SLC6A11: variants seen among roughly 807,000 people sequenced by gnomAD.
The protein encoded by SLC6A11 is sodium- and chloride-dependent GABA transporter 3.
SLC6A11 carries 25 observed loss-of-function variants against 74.8 expected under a neutral mutation model. The ratio of observed to expected loss-of-function variants is 0.33; its 90% CI spans 0.24 to 0.47. The LOEUF (loss-of-function observed/expected upper bound fraction) is 0.47. Ranked by LOEUF, SLC6A11 falls within the 20% of genes least tolerant of loss-of-function variation. The pLI is 1.00. For synonymous variants in SLC6A11, 330 were observed against 330.2 expected (o/e 1.00, Z 0.01); for missense variants, 574 against 837.0 (o/e 0.69, Z 3.88).
rs1438183702 is a variant in SLC6A11 at position 10,934,073 on chromosome 3, C to T, written c.1482C>T (p.Asn494=). The change falls in exon 12 of 14, where the codon AAC becomes AAT. Residue 494 remains asparagine, a synonymous_variant. Transcript: ENST00000254488. The part of the protein sequence containing the change: ...CICIGWVYGS[N]RFYDNIEDMI... ...CTGATTTATTCCGGACAGGAAGCAA[C>T]CGGTTCTATGATAACATTGAAGACA... 1.9e-6 allele frequency: 3 copies of T among 1,612,628 alleles called. No individual in the cohort carries two copies. Among genetic ancestry groups the T allele is most frequent in the African/African-American group, 1.3e-5 (1 of 75,008 alleles).
intron 6 of SLC6A11, among the ~76,000 whole-genome samples, chr3:10,885,050 T>G (rs1235304854): frequency 2.6e-5 from 4 of 152,220 alleles, no homozygotes; most frequent in African/African-American, 9.6e-5. Context: ...CAAGGTGGGC[T>G]TCTATCTCCT....
intron 6 of SLC6A11, among the ~76,000 whole-genome samples, chr3:10,881,538 A>C (rs1212449158): frequency 6.6e-6 from 1 of 152,212 alleles, no homozygotes; most frequent in Non-Finnish European, 1.5e-5. Flanking sequence ...TAGCTTGTGT[A>C]CCTTGCGTTA....
chr3:10,864,351 G>T (rs944657679), intron 5 of SLC6A11, among the ~76,000 whole-genome samples: 1 of 151,496 alleles, frequency 6.6e-6, no homozygotes, highest in African/African-American at 2.4e-5. Flanking sequence ...GTTGGGAGGG[G>T]CGTTTTCCTG....
intron 6 of SLC6A11, among the ~76,000 whole-genome samples, chr3:10,878,226 C>G (rs1694933690): frequency 1.3e-5 from 2 of 152,116 alleles, no homozygotes; most frequent in South Asian, 4.2e-4. Context: ...GGCTGCGTCC[C>G]CTACTACTCT....
chr3:10,816,445 G>A lies in SLC6A11; in HGVS notation c.180G>A (p.Val60=), dbSNP rs372003697. 4.4e-6 allele frequency: 7 copies of A among 1,604,490 alleles called. No homozygotes were observed. The highest frequency in any genetic ancestry group is 6.0e-6 in the Non-Finnish European group (7 of 1,176,060). The change falls in exon 1 of 14, where the codon GTG becomes GTA. Residue 60 remains valine (V), a synonymous_variant. Coordinates refer to ENST00000254488, the MANE Select transcript of SLC6A11 (RefSeq NM_014229.3). The surrounding 1 kb of genome is among the most constrained non-coding windows in gnomAD (Gnocchi z 4.2). ...ACTGGAACAACAAGGTGGAGTTCGT[G>A]CTGAGCGTGGCCGGGGAGATCATTG... ...RGHWNNKVEF[V]LSVAGEIIGL... is the part of the protein sequence containing the mutation.
At chr3:10,903,228 G>T (rs954376944) in intron 6 of SLC6A11, among the ~76,000 whole-genome samples, 1 of 152,204 alleles carries the variant, frequency 6.6e-6, no homozygotes, top group Non-Finnish European at 1.5e-5. Context: ...ACAAGCAGAG[G>T]CATGCCCTTC....
intron 5 of SLC6A11, among the ~76,000 whole-genome samples, chr3:10,873,730 A>ATCCTATCCCG (rs1215009775): frequency 5.1e-5 from 7 of 136,838 alleles, no homozygotes; most frequent in Non-Finnish European, 7.8e-5. Context: ...ATCCTATCCT[A>ATCCTATCCCG]TCCCGTCCCG....
At chr3:10,921,889 C>T (rs1339895517) in intron 8 of SLC6A11, among the ~76,000 whole-genome samples, 1 of 152,038 alleles carries the variant, frequency 6.6e-6, no homozygotes, top group Non-Finnish European at 1.5e-5. Context: ...AAGAGGAACA[C>T]CTCATATTGA....
intron 4 of SLC6A11, among the ~76,000 whole-genome samples, chr3:10,834,633 A>C (rs191279777): frequency 6.6e-6 from 1 of 152,286 alleles, no homozygotes; most frequent in Non-Finnish European, 1.5e-5. Context: ...ACCCAAACAC[A>C]CACATCCCTT....
At chr3:10,887,284 GGAT>G (rs1406296128) in intron 6 of SLC6A11, among the ~76,000 whole-genome samples, 3 of 146,006 alleles carry the variant, frequency 2.1e-5, no homozygotes, top group African/African-American at 7.8e-5. Context: ...AATGGATGAT[GGAT>G]GATAAATGGA....
At chr3:10,897,930 A>C (rs939281152) in intron 6 of SLC6A11, among the ~76,000 whole-genome samples, 9 of 152,158 alleles carry the variant, frequency 5.9e-5, no homozygotes, top group African/African-American at 2.4e-5. Context: ...ACATCTTCTG[A>C]AATCTAGGCA....
intron 6 of SLC6A11, among the ~76,000 whole-genome samples, chr3:10,901,427 G>A (rs960941690): frequency 6.6e-6 from 1 of 152,234 alleles, no homozygotes; most frequent in Non-Finnish European, 1.5e-5. Flanking sequence ...GGATTGAACG[G>A]CTCCTCACCG....
At chr3:10,873,779 T>C (rs1020434446) in intron 5 of SLC6A11, among the ~76,000 whole-genome samples, 4 of 147,514 alleles carry the variant, frequency 2.7e-5, no homozygotes, top group African/African-American at 1.0e-4. Flanking sequence ...TGTCCTGTCC[T>C]GTCCTATCCT....
At chr3:10,903,524 G>A (rs1695266136) in intron 6 of SLC6A11, among the ~76,000 whole-genome samples, 2 of 152,190 alleles carry the variant, frequency 1.3e-5, no homozygotes, top group South Asian at 4.1e-4. Flanking sequence ...CTCCTTAAGG[G>A]TAGGAGCTCT....
intron 5 of SLC6A11, 78 bp from the exon 6 acceptor site, chr3:10,874,883 C>A: frequency 7.0e-7 from 1 of 1,436,808 alleles, no homozygotes; most frequent in Non-Finnish European, 9.5e-7. Flanking sequence ...AACATGCACC[C>A]AAAGGACATT....
At chr3:10,932,901 G>A (rs1396808265) in intron 10 of SLC6A11, among the ~76,000 whole-genome samples, 1 of 152,096 alleles carries the variant, frequency 6.6e-6, no homozygotes, top group Non-Finnish European at 1.5e-5. Context: ...TGGCCCTTGG[G>A]GTGCTGGAAA....
chr3:10,920,037 G>A (rs1367736454), intron 8 of SLC6A11, among the ~76,000 whole-genome samples: 1 of 152,168 alleles, frequency 6.6e-6, no homozygotes, highest in East Asian at 1.9e-4. Context: ...TGCGAGGAGG[G>A]ATCATTGCCT....
intron 8 of SLC6A11, among the ~76,000 whole-genome samples, chr3:10,920,440 A>G (rs541530456): frequency 6.6e-6 from 1 of 152,316 alleles, no homozygotes; most frequent in African/African-American, 2.4e-5. Flanking sequence ...GAGTTCTTCC[A>G]TTTATAATAA....
At chr3:10,830,347 C>A (rs765740875) in intron 4 of SLC6A11, among the ~76,000 whole-genome samples, 1 of 152,158 alleles carries the variant, frequency 6.6e-6, no homozygotes, top group Non-Finnish European at 1.5e-5. Context: ...GCATTTAGAT[C>A]CTAGGGGCTA....
Sources: allele counts gnomAD v4.1 joint callset (sites outside exome capture counted in the v4.1 genomes callset), GRCh38; gene constraint gnomAD v4.1.1; non-coding constraint Gnocchi (gnomAD v3.1); transcripts MANE v1.5; gene names NCBI Gene and HGNC (gene_info 2026-07-23, HGNC 2026-07-21).